The following ENPP3 variants were observed in gnomAD, a reference collection of about 807,000 sequenced individuals.
ENPP3 encodes ectonucleotide pyrophosphatase/phosphodiesterase family member 3.
A neutral mutation model predicts 117.8 loss-of-function variants in ENPP3; 104 were observed. The observed-to-expected ratio is 0.88, with a 90% confidence interval of 0.75 to 1.04. ENPP3 has a LOEUF of 1.04. Among genes scored for constraint, ENPP3 ranks in the 50% least tolerant of loss-of-function variants. The probability of loss-of-function intolerance (pLI) is 0.00; values close to 1 mark genes in which losing one functional copy is unlikely to be tolerated. For synonymous variants in ENPP3, 380 were observed against 349.9 expected, an observed-to-expected ratio of 1.09 and a Z score of -0.96; for missense variants, 1,026 against 1,051.9, an observed-to-expected ratio of 0.98 and a Z score of 0.34.
intron 6 of ENPP3, among the ~76,000 whole-genome samples, chr6:131,668,808 A>G (rs1233451383): frequency 6.6e-6 from 1 of 152,162 alleles, no homozygotes; most frequent in Non-Finnish European, 1.5e-5. Flanking sequence ...TCATTGGTTT[A>G]TTGCGTGTCT....
chr6:131,744,209 T>A (rs1365469443), intron 24 of ENPP3, among the ~76,000 whole-genome samples: 1 of 152,244 alleles, frequency 6.6e-6, no homozygotes, highest in Non-Finnish European at 1.5e-5. Context: ...CTTTCCTTGT[T>A]CCTTTCATCT....
At chr6:131,745,414 A>G (rs1419759129) in intron 24 of ENPP3, among the ~76,000 whole-genome samples, 4 of 152,206 alleles carry the variant, frequency 2.6e-5, no homozygotes. Flanking sequence ...AAACCACTGC[A>G]TCGAAGTCAA....
chr6:131,701,884 G>GAAAAAAAAAAAAAAAAAAAAAAA (rs1170025527), intron 15 of ENPP3, among the ~76,000 whole-genome samples: 1 of 96,976 alleles, frequency 1.0e-5, no homozygotes, highest in Non-Finnish European at 2.1e-5. Flanking sequence ...TCTGTCTCCA[G>GAAAAAAAAAAAAAAAAAAAAAAA]AAAAAAAAAA....
At chr6:131,702,308 T>C (rs1435792115) in intron 15 of ENPP3, among the ~76,000 whole-genome samples, 1 of 150,024 alleles carries the variant, frequency 6.7e-6, no homozygotes, top group Non-Finnish European at 1.5e-5. Context: ...AATACACCAG[T>C]GGTCATTCAC....
chr6:131,722,419 TCATGCATC>T lies in ENPP3; in HGVS notation c.1746+18_1746+25del, dbSNP rs1411995963. ...CACCTACAAAATGTAAGTAACAACT[TCATGCATC>T]CATAAGAACGTAAAGGGGCAAGCTA... On this transcript the variant is annotated intron_variant, in intron 18 of 24. Coordinates refer to ENST00000357639, the MANE Select transcript of ENPP3 (RefSeq NM_005021.5). 1 of 1,609,606 alleles carries T rather than the reference TCATGCATC, an allele frequency of 6.2e-7. No homozygotes were observed. The highest frequency in any genetic ancestry group is 8.5e-7 in the Non-Finnish European group (1 of 1,177,208).
chr6:131,717,312 C>T (rs757737903), intron 15 of ENPP3, among the ~76,000 whole-genome samples: 9 of 146,536 alleles, frequency 6.1e-5, no homozygotes, highest in African/African-American at 1.8e-4. Flanking sequence ...TGTTGTTAGT[C>T]GAGTCGAGTT....
At chr6:131,653,830 T>C (rs1027157592) in intron 5 of ENPP3, among the ~76,000 whole-genome samples, 1 of 152,088 alleles carries the variant, frequency 6.6e-6, no homozygotes, top group Admixed American at 6.6e-5. Context: ...GAGGAGAGCT[T>C]TGTCAGGGGG....
At chr6:131,666,856 A>G (rs954643130) in intron 6 of ENPP3, among the ~76,000 whole-genome samples, 7 of 152,224 alleles carry the variant, frequency 4.6e-5, no homozygotes, top group African/African-American at 1.7e-4. Flanking sequence ...CCGGCCTCGT[A>G]TAGGAGAAAC....
chr6:131,713,718 G>A (rs1030713404), intron 15 of ENPP3, among the ~76,000 whole-genome samples: 3 of 152,028 alleles, frequency 2.0e-5, no homozygotes, highest in Non-Finnish European at 4.4e-5. Context: ...ACTTATGATA[G>A]GATTATGTTC....
At chr6:131,654,495 T>G (rs1778341131) in intron 5 of ENPP3, among the ~76,000 whole-genome samples, 1 of 151,938 alleles carries the variant, frequency 6.6e-6, no homozygotes, top group African/African-American at 2.4e-5. Flanking sequence ...CAGGTTGGAG[T>G]GCAGTGGCGT....
intron 14 of ENPP3, among the ~76,000 whole-genome samples, chr6:131,689,579 G>C (rs1228355715): frequency 6.6e-6 from 1 of 152,164 alleles, no homozygotes; most frequent in Non-Finnish European, 1.5e-5. Flanking sequence ...GAAAGTACCA[G>C]GTCACCCAAG....
chr6:131,662,286 C>G lies in ENPP3; in HGVS notation c.562+3866C>G, dbSNP rs1349586517. ...CTGAGATAGGGTCTCACTCTGTCAC[C>G]CAGGCTAGAGTGTGATGGTGTGATC... On this transcript the variant is annotated intron_variant, in intron 6 of 24. Coordinates refer to ENST00000357639, the MANE Select transcript of ENPP3 (RefSeq NM_005021.5). 2.6e-5 allele frequency among the ~76,000 whole-genome samples: 4 copies of G among 152,108 alleles called. No individual in the cohort carries two copies. In the East Asian group the frequency reaches 7.7e-4, roughly 29 times the overall value.
chr6:131,676,609 C>A, intron 9 of ENPP3, 127 bp from the exon 10 acceptor site: 1 of 635,624 alleles, frequency 1.6e-6, no homozygotes, highest in Non-Finnish European at 2.9e-6. Context: ...GAATACCTTC[C>A]AGTATTGTGA....
At chr6:131,641,429 A>T in intron 1 of ENPP3, 26 bp from the exon 2 acceptor site, 1 of 1,535,046 alleles carries the variant, frequency 6.5e-7, no homozygotes, top group African/African-American at 1.4e-5. Flanking sequence ...AAAATTATAA[A>T]AGTTACTTTT....
At chr6:131,677,761 A>G (rs1408440330) in intron 10 of ENPP3, 107 bp from the exon 11 acceptor site, 1 of 699,514 alleles carries the variant, frequency 1.4e-6, no homozygotes, top group East Asian at 2.7e-5. Flanking sequence ...GGTTAGAGAG[A>G]AAGAAAAGGC....
chr6:131,678,548 A>G (rs1050044139), intron 11 of ENPP3, among the ~76,000 whole-genome samples: 2 of 152,214 alleles, frequency 1.3e-5, no homozygotes, highest in South Asian at 2.1e-4. Context: ...AAACTCCGCT[A>G]AAGCCTCTAT....
chr6:131,738,305 C>T (rs1780445613), intron 23 of ENPP3, 142 bp downstream of exon 23: 8 of 686,836 alleles, frequency 1.2e-5, no homozygotes, highest in Non-Finnish European at 1.8e-5. Context: ...TCTAGTCTAT[C>T]TAAATATTTA....
At chr6:131,663,044 A>G (rs1778535838) in intron 6 of ENPP3, among the ~76,000 whole-genome samples, 1 of 152,056 alleles carries the variant, frequency 6.6e-6, no homozygotes, top group Admixed American at 6.5e-5. Flanking sequence ...TGCATTTATT[A>G]GTTCTAAATA....
At chr6:131,744,623 G>T (rs1416989884) in intron 24 of ENPP3, among the ~76,000 whole-genome samples, 2 of 152,188 alleles carry the variant, frequency 1.3e-5, no homozygotes, top group Non-Finnish European at 2.9e-5. Flanking sequence ...ATTCAGTGAG[G>T]TCATCATTGA....
Sources: gnomAD v4.1 joint callset for allele counts (sites outside exome capture counted in the v4.1 genomes callset) on GRCh38, gnomAD v4.1.1 for gene constraint, MANE v1.5 for transcripts, NCBI Gene and HGNC (gene_info 2026-07-23, HGNC 2026-07-21) for gene names.